Variants in RAB3B observed in about 807,000 individuals in gnomAD.
RAB3B encodes RAB3B, member RAS oncogene family.
A neutral mutation model predicts 20.5 loss-of-function variants in RAB3B; 11 were observed. That is an observed-to-expected ratio of 0.54 (90% CI 0.34 to 0.89). RAB3B has a LOEUF of 0.89. Ranked by LOEUF, RAB3B falls within the 40% of genes least tolerant of loss-of-function variation. The pLI is 0.02. For synonymous variants in RAB3B, 99 were observed against 106.3 expected, an observed-to-expected ratio of 0.93 and a Z score of 0.42; for missense variants, 225 against 280.9, an observed-to-expected ratio of 0.80 and a Z score of 1.42.
chr1:51,966,022 A>ATG (rs1214764075), intron 2 of RAB3B, among the ~76,000 whole-genome samples: 1 of 152,190 alleles, frequency 6.6e-6, no homozygotes, highest in Non-Finnish European at 1.5e-5. Flanking sequence ...ATGCATTTCA[A>ATG]TGTGTGCGTG....
At chr1:51,962,257 T>C (rs1327020506) in intron 2 of RAB3B, among the ~76,000 whole-genome samples, 2 of 152,200 alleles carry the variant, frequency 1.3e-5, no homozygotes, top group East Asian at 3.8e-4. Context: ...AGCACAGTGC[T>C]GGCATGAAAG....
At chr1:51,975,044 T>C (rs536107039) in intron 2 of RAB3B, among the ~76,000 whole-genome samples, 1 of 151,966 alleles carries the variant, frequency 6.6e-6, no homozygotes, top group Admixed American at 6.6e-5. Flanking sequence ...TGAAAACCCA[T>C]CTTTACTAAA....
rs905825661 is a variant in RAB3B, at chr1:51,914,688, A to T, written c.*5239T>A. The stretch of plus-strand genomic sequence containing the variant: ...GTGTTTTGCATTTACTTCCAGCCAC[A>T]GGATGCTACTTGATTCCCCAACTAT... On this transcript the variant is annotated 3_prime_UTR_variant, in exon 5 of 5. Coordinates refer to ENST00000371655, the MANE Select transcript of RAB3B (RefSeq NM_002867.4). The T allele has an allele frequency of 6.6e-6, 1 of 152,198 alleles. No homozygotes were observed. Among genetic ancestry groups the T allele is most frequent in the Non-Finnish European group, 1.5e-5 (1 of 68,038 alleles). 9.4% of individuals were successfully genotyped at this position (152,198 alleles called of 1,614,324 possible).
chr1:51,982,872 T>A (rs1343282896), intron 1 of RAB3B, among the ~76,000 whole-genome samples: 2 of 152,152 alleles, frequency 1.3e-5, no homozygotes, highest in Non-Finnish European at 2.9e-5. Flanking sequence ...TGGAGAAACA[T>A]ATTTTTAAAT....
At position 51,911,790 on chromosome 1, in the gene RAB3B, T is replaced by G. The variant is rs1001209441; in HGVS notation, c.*8137A>C. The G allele has an allele frequency of 6.6e-6, 1 of 152,218 alleles. No homozygotes were observed. The allele number at this position is 152,218 out of a possible 1,614,324, so 9.4% of individuals were successfully genotyped here. A position where few individuals can be genotyped will look rare whatever the true frequency, so the allele number is the denominator to read the frequency against. ...ATTTGCCACTCAAATGGAAAAAGAA[T>G]AGGTCCAGCTTTTTATAAAAATCTT... On this transcript the variant is annotated 3_prime_UTR_variant, in exon 5 of 5. Transcript: ENST00000371655.
chr1:51,983,423 A>G lies in RAB3B; in HGVS notation c.1-6306T>C, dbSNP rs139814845. On this transcript the variant is annotated intron_variant, in intron 1 of 4. Transcript: ENST00000371655. The stretch of plus-strand genomic sequence containing the variant: ...GTGTTACAATTGCCTGCTACATTCA[A>G]TACAGTAACATGCTGTACAGGTTTG... Among the ~76,000 whole-genome samples, 224 of 152,332 alleles carry G rather than the reference A, an allele frequency of 1.5e-3. 7 individuals carry two copies. In the East Asian group the frequency reaches 0.041, roughly 28 times the overall value.
At chr1:51,934,198 T>C (rs1357622384) in intron 3 of RAB3B, among the ~76,000 whole-genome samples, 1 of 152,196 alleles carries the variant, frequency 6.6e-6, no homozygotes, top group Non-Finnish European at 1.5e-5. Context: ...TTCTCCTGCC[T>C]CCCTAACCTT....
At chr1:51,931,102 T>C (rs191009830) in intron 4 of RAB3B, among the ~76,000 whole-genome samples, 67 of 152,162 alleles carry the variant, frequency 4.4e-4, no homozygotes, top group Admixed American at 3.1e-3. Context: ...AGAAAATAAA[T>C]ACAGAAAATC....
intron 2 of RAB3B, among the ~76,000 whole-genome samples, chr1:51,944,193 G>A (rs745840345): frequency 5.3e-5 from 8 of 152,160 alleles, no homozygotes; most frequent in Non-Finnish European, 8.8e-5. Context: ...CCCTGCCTGT[G>A]CTCTAGAAAT....
chr1:51,977,971 A>C (rs1008001786), intron 1 of RAB3B, among the ~76,000 whole-genome samples: 3 of 152,078 alleles, frequency 2.0e-5, no homozygotes, highest in Admixed American at 2.0e-4. Context: ...CCTTAGATCT[A>C]ATTACACACT....
intron 2 of RAB3B, among the ~76,000 whole-genome samples, chr1:51,971,762 AT>A (rs1438932858): frequency 6.6e-6 from 1 of 152,142 alleles, no homozygotes; most frequent in Non-Finnish European, 1.5e-5. Context: ...CATAACCACG[AT>A]GGCTACTGAG....
At chr1:51,935,060 A>G (rs1008484497) in intron 3 of RAB3B, among the ~76,000 whole-genome samples, 2 of 152,144 alleles carry the variant, frequency 1.3e-5, no homozygotes, top group Non-Finnish European at 2.9e-5. Flanking sequence ...GGACCGGCCT[A>G]TTCATCTTTG....
chr1:51,933,479 C>G (rs756465878), intron 3 of RAB3B, 37 bp from the exon 4 acceptor site: 2 of 1,576,498 alleles, frequency 1.3e-6, no homozygotes, highest in South Asian at 2.3e-5. Flanking sequence ...TAATCATATT[C>G]CTATAGACTG....
chr1:51,942,888 C>T (rs1684513391), intron 2 of RAB3B, among the ~76,000 whole-genome samples: 5 of 152,008 alleles, frequency 3.3e-5, no homozygotes. Context: ...TTATATCTGT[C>T]ATGTTTATCT....
At chr1:51,963,294 T>C (rs1379594179) in intron 2 of RAB3B, among the ~76,000 whole-genome samples, 2 of 152,228 alleles carry the variant, frequency 1.3e-5, no homozygotes, top group Non-Finnish European at 2.9e-5. Context: ...ACCTTTTCAC[T>C]GTCCTTCATC....
intron 4 of RAB3B, among the ~76,000 whole-genome samples, chr1:51,929,281 C>T (rs1004910740): frequency 2.0e-5 from 3 of 152,126 alleles, no homozygotes; most frequent in African/African-American, 7.2e-5. Flanking sequence ...TGCAATTGAG[C>T]CCTGGGTCTT....
chr1:51,981,565 C>T (rs1685088202), intron 1 of RAB3B, among the ~76,000 whole-genome samples: 1 of 152,162 alleles, frequency 6.6e-6, no homozygotes, highest in Non-Finnish European at 1.5e-5. Context: ...TCTATACCTT[C>T]TATGCATATT....
rs1160575065 is a variant in RAB3B at position 51,911,980 on chromosome 1, G to A, written c.*7947C>T. The stretch of plus-strand genomic sequence containing the variant: ...GTGACAGCTGCTTATTACAGGAAAT[G>A]ATTTACCAGAGATCCTATAGCAAGT... On this transcript the variant is annotated 3_prime_UTR_variant, in exon 5 of 5. Coordinates refer to ENST00000371655, the MANE Select transcript of RAB3B (RefSeq NM_002867.4). 6.6e-6 allele frequency: 1 copy of A among 152,098 alleles called. No individual in the cohort carries two copies. Among genetic ancestry groups the A allele is most frequent in the Non-Finnish European group, 1.5e-5 (1 of 68,028 alleles). 9.4% of individuals were successfully genotyped at this position (152,098 alleles called of 1,614,324 possible).
intron 2 of RAB3B, among the ~76,000 whole-genome samples, chr1:51,941,836 T>C (rs1684498951): frequency 6.6e-6 from 1 of 152,248 alleles, no homozygotes; most frequent in South Asian, 2.1e-4. Flanking sequence ...CTATGAGTTC[T>C]GGAAGATATT....
Sources: gnomAD v4.1 joint callset for allele counts (sites outside exome capture counted in the v4.1 genomes callset) on GRCh38, gnomAD v4.1.1 for gene constraint, MANE v1.5 for transcripts, NCBI Gene and HGNC (gene_info 2026-07-23, HGNC 2026-07-21) for gene names.